Variants in NR3C2 observed in about 807,000 individuals in gnomAD.
The protein encoded by NR3C2 is nuclear receptor subfamily 3 group C member 2.
A neutral mutation model predicts 86.4 loss-of-function variants in NR3C2; 15 were observed. The ratio of observed to expected loss-of-function variants is 0.17; its 90% CI spans 0.12 to 0.27. The LOEUF (loss-of-function observed/expected upper bound fraction) is 0.27. NR3C2 is among the 10% of genes least tolerant of loss of function. NR3C2 has a pLI of 1.00. For missense variants in NR3C2, 960 were observed against 1,195.6 expected (o/e 0.80, Z 2.91); for synonymous variants, 458 against 450.5 (o/e 1.02, Z -0.21).
At chr4:148,183,396 C>T (rs1735735157) in intron 4 of NR3C2, among the ~76,000 whole-genome samples, 2 of 152,212 alleles carry the variant, frequency 1.3e-5, no homozygotes, top group Admixed American at 1.3e-4. Flanking sequence ...GGAATCGCCA[C>T]ACTGTCTTCC....
At chr4:148,285,943 T>C (rs966049777) in intron 2 of NR3C2, among the ~76,000 whole-genome samples, 14 of 152,340 alleles carry the variant, frequency 9.2e-5, no homozygotes, top group African/African-American at 2.6e-4. Context: ...AGGGAAAATA[T>C]TAACATGTTA....
intron 3 of NR3C2, among the ~76,000 whole-genome samples, chr4:148,200,241 C>G (rs1293887960): frequency 6.6e-6 from 1 of 152,198 alleles, no homozygotes; most frequent in East Asian, 1.9e-4. Context: ...GCCCCTTCCT[C>G]TCTTCTGGGT....
intron 6 of NR3C2, among the ~76,000 whole-genome samples, chr4:148,149,734 A>G (rs1030423619): frequency 6.6e-6 from 1 of 152,242 alleles, no homozygotes; most frequent in Non-Finnish European, 1.5e-5. Flanking sequence ...CCAATTAAAA[A>G]ATGAGTAAAG....
chr4:148,117,729 G>A (rs571152342), intron 7 of NR3C2, among the ~76,000 whole-genome samples: 12 of 152,184 alleles, frequency 7.9e-5, no homozygotes, highest in South Asian at 2.1e-4. Context: ...CTTACTTTCC[G>A]TAGACCCAGT....
intron 2 of NR3C2, among the ~76,000 whole-genome samples, chr4:148,341,096 T>C (rs1261320201): frequency 6.6e-6 from 1 of 152,088 alleles, no homozygotes; most frequent in African/African-American, 2.4e-5. Context: ...AGAAATACCA[T>C]ATAATCCAGC....
At chr4:148,143,323 G>A (rs1010904697) in intron 6 of NR3C2, among the ~76,000 whole-genome samples, 1 of 152,308 alleles carries the variant, frequency 6.6e-6, no homozygotes. Context: ...ATTATTTTAA[G>A]TACCACTTTT....
At chr4:148,159,275 G>A (rs542216152) in intron 4 of NR3C2, among the ~76,000 whole-genome samples, 24 of 152,188 alleles carry the variant, frequency 1.6e-4, no homozygotes, top group African/African-American at 5.3e-4. Context: ...CATATATAAA[G>A]TATTAGTTTA....
At chr4:148,084,663 A>G (rs1730730217) in intron 8 of NR3C2, among the ~76,000 whole-genome samples, 2 of 152,244 alleles carry the variant, frequency 1.3e-5, no homozygotes, top group Admixed American at 1.3e-4. Flanking sequence ...TTCACACATA[A>G]CAGTGGCCTT....
chr4:148,085,011 T>C (rs1214230501), intron 8 of NR3C2, among the ~76,000 whole-genome samples: 1 of 151,970 alleles, frequency 6.6e-6, no homozygotes, highest in African/African-American at 2.4e-5. Context: ...AAGCAAGTAC[T>C]TAGAGACATA....
chr4:148,408,262 G>A (rs1320051135), intron 2 of NR3C2, among the ~76,000 whole-genome samples: 2 of 152,132 alleles, frequency 1.3e-5, no homozygotes, highest in Non-Finnish European at 2.9e-5. Context: ...AGGCCTCAAC[G>A]AATTAGAGAA....
At chr4:148,176,071 G>T (rs1735362136) in intron 4 of NR3C2, among the ~76,000 whole-genome samples, 2 of 152,298 alleles carry the variant, frequency 1.3e-5, no homozygotes, top group Admixed American at 1.3e-4. Flanking sequence ...AAGAGTTTCT[G>T]GGGGGAAACA....
intron 2 of NR3C2, among the ~76,000 whole-genome samples, chr4:148,261,416 G>A (rs548740546): frequency 3.3e-5 from 5 of 150,720 alleles, no homozygotes; most frequent in South Asian, 2.1e-4. Context: ...GCTATGGTGC[G>A]CTATGGTAAG....
At chr4:148,088,632 C>T (rs1249803455) in intron 8 of NR3C2, among the ~76,000 whole-genome samples, 2 of 150,908 alleles carry the variant, frequency 1.3e-5, no homozygotes, top group Non-Finnish European at 2.9e-5. Flanking sequence ...CCAAACACTG[C>T]ATGTTCTCAC....
At chr4:148,291,389 AC>A (rs566059976) in intron 2 of NR3C2, among the ~76,000 whole-genome samples, 3 of 152,244 alleles carry the variant, frequency 2.0e-5, no homozygotes, top group Non-Finnish European at 4.4e-5. Flanking sequence ...CTCTGTACTT[AC>A]GTTTTAGTCA....
intron 3 of NR3C2, among the ~76,000 whole-genome samples, chr4:148,222,028 A>G (rs1737886160): frequency 6.6e-6 from 1 of 152,136 alleles, no homozygotes; most frequent in African/African-American, 2.4e-5. Flanking sequence ...AGTTAATATA[A>G]TATGTAAAGA....
chr4:148,259,013 G>C (rs1225670812), intron 3 of NR3C2, among the ~76,000 whole-genome samples: 1 of 152,162 alleles, frequency 6.6e-6, no homozygotes, highest in Non-Finnish European at 1.5e-5. Flanking sequence ...AATCTCAAGA[G>C]AAAGAATAAT....
At chr4:148,126,250 C>A (rs191319089) in intron 6 of NR3C2, among the ~76,000 whole-genome samples, 15 of 152,284 alleles carry the variant, frequency 9.9e-5, no homozygotes, top group Non-Finnish European at 1.9e-4. Flanking sequence ...AATAATAATT[C>A]CAATCTTGCA....
chr4:148,212,171 C>T (rs915165072), intron 3 of NR3C2, among the ~76,000 whole-genome samples: 7 of 152,236 alleles, frequency 4.6e-5, no homozygotes, highest in African/African-American at 7.2e-5. Context: ...TTAAGCTTTG[C>T]AAGAACACCA....
chr4:148,443,600 G>C (rs1750458948), upstream of NR3C2, among the ~76,000 whole-genome samples: 1 of 150,514 alleles, frequency 6.6e-6, no homozygotes, highest in African/African-American at 2.4e-5. Flanking sequence ...TCCTAACTTT[G>C]ATTTCTAAGG....
Sources: allele counts gnomAD v4.1 joint callset (sites outside exome capture counted in the v4.1 genomes callset), GRCh38; gene constraint gnomAD v4.1.1; transcripts MANE v1.5; gene names NCBI Gene and HGNC (gene_info 2026-07-23, HGNC 2026-07-21).